The following PRKCH variants were observed in gnomAD, a reference collection of about 807,000 sequenced individuals.
The protein encoded by PRKCH is protein kinase C eta.
A neutral mutation model predicts 82.5 loss-of-function variants in PRKCH; 28 were observed. The observed-to-expected ratio is 0.34, with a 90% CI of 0.25 to 0.47. PRKCH has a LOEUF of 0.47. Among genes scored for constraint, PRKCH ranks in the 20% least tolerant of loss-of-function variants. The pLI is 1.00. For synonymous variants in PRKCH, 322 were observed against 327.4 expected (o/e 0.98, Z 0.18); for missense variants, 705 against 881.8 (o/e 0.80, Z 2.54).
chr14:61,250,918 T>C (rs2044940277), intron 1 of PRKCH, among the ~76,000 whole-genome samples: 1 of 152,124 alleles, frequency 6.6e-6, no homozygotes, highest in African/African-American at 2.4e-5. Flanking sequence ...AAAAAAGGTC[T>C]AGCATATTTT....
intron 1 of PRKCH, among the ~76,000 whole-genome samples, chr14:61,271,463 G>A (rs1227089187): frequency 6.6e-6 from 1 of 152,142 alleles, no homozygotes; most frequent in Admixed American, 6.6e-5. Context: ...TTCCTTCACA[G>A]ATTTAGTCTT....
intron 1 of PRKCH, among the ~76,000 whole-genome samples, chr14:61,334,528 C>T (rs954142793): frequency 3.9e-5 from 6 of 151,946 alleles, no homozygotes; most frequent in African/African-American, 9.7e-5. Context: ...AGCACACAGC[C>T]CTGTGAAGAT....
Position 61,321,823 on chromosome 14 carries a change from G to C in PRKCH, c.-279G>C, listed in dbSNP as rs1241612416. 7 of 345,214 alleles carry C rather than the reference G, an allele frequency of 2.0e-5. No homozygotes were observed. Among genetic ancestry groups the C allele is most frequent in the Non-Finnish European group, 3.8e-5 (7 of 185,406 alleles). The allele number at this position is 345,214 out of a possible 1,614,324, so 21.4% of individuals were successfully genotyped here. On this transcript the variant is annotated 5_prime_UTR_variant, in exon 1 of 14. Transcript: ENST00000332981. This position sits in a 1 kb window ranked among gnomAD's most constrained non-coding sequence, Gnocchi z 4.1. ...GGGGCGAGTCCTGCGCGAGTCCCCG[G>C]GAGGCGCCGCGCGCTTGGAAGGGAC... is the stretch of plus-strand genomic sequence containing the variant.
Position 61,281,204 on chromosome 14 carries a change from C to T in PRKCH, c.-19+93536C>T, listed in dbSNP as rs913134538. On this transcript the variant is annotated intron_variant, in intron 1 of 3. Coordinates refer to the PRKCH transcript ENST00000555185. The stretch of plus-strand genomic sequence containing the variant: ...ACCGAGTGGGGGCCCCGCCGCGGGG[C>T]GCCTCCCTCTCCGCGCCGCGCAAGC... The T allele has an allele frequency of 1.4e-5, 16 of 1,114,518 alleles. No individual in the cohort carries two copies. In the African/African-American group the frequency reaches 2.0e-4, roughly 14 times the overall value. 69.0% of individuals were successfully genotyped at this position (1,114,518 alleles called of 1,614,324 possible).
chr14:61,319,884 CTT>C (rs1219100287), upstream of PRKCH, among the ~76,000 whole-genome samples: 514 of 152,326 alleles, frequency 3.4e-3, 1 homozygote, highest in African/African-American at 0.011. Flanking sequence ...AAGACAGGCC[CTT>C]TCCCCCCTGG....
chr14:61,419,120 C>T (rs541598526), intron 2 of PRKCH, among the ~76,000 whole-genome samples: 18 of 152,230 alleles, frequency 1.2e-4, no homozygotes, highest in Admixed American at 2.6e-4. Flanking sequence ...AGAGTCTTAG[C>T]GCTTTAGGGC....
intron 1 of PRKCH, among the ~76,000 whole-genome samples, chr14:61,211,153 C>T (rs1160672397): frequency 6.6e-6 from 1 of 152,170 alleles, no homozygotes; most frequent in Non-Finnish European, 1.5e-5. Context: ...AGCTGGTGCC[C>T]TTTGCCAGGG....
At chr14:61,366,493 C>T (rs1484219694) in intron 1 of PRKCH, among the ~76,000 whole-genome samples, 2 of 152,034 alleles carry the variant, frequency 1.3e-5, no homozygotes, top group Admixed American at 6.5e-5. Flanking sequence ...TATTTTGTCA[C>T]GTATGGAAGT....
intron 10 of PRKCH, among the ~76,000 whole-genome samples, chr14:61,496,953 G>T (rs1161567774): frequency 1.3e-5 from 2 of 151,698 alleles, no homozygotes; most frequent in African/African-American, 2.4e-5. Context: ...TCTTATTCTG[G>T]CCCAAACCCA....
At chr14:61,524,369 A>G (rs2042941187) in intron 10 of PRKCH, among the ~76,000 whole-genome samples, 2 of 152,258 alleles carry the variant, frequency 1.3e-5, no homozygotes, top group Admixed American at 6.5e-5. Flanking sequence ...CTACCCTTCT[A>G]TGCTTGCATG....
At chr14:61,246,823 A>T (rs2044888375) in intron 1 of PRKCH, among the ~76,000 whole-genome samples, 1 of 152,180 alleles carries the variant, frequency 6.6e-6, no homozygotes, top group African/African-American at 2.4e-5. Flanking sequence ...CCTGGGCTCA[A>T]GCAATCCTCC....
chr14:61,362,362 A>C (rs2046238169), intron 1 of PRKCH, among the ~76,000 whole-genome samples: 1 of 151,148 alleles, frequency 6.6e-6, no homozygotes, highest in Non-Finnish European at 1.5e-5. Flanking sequence ...AAAAAAAAGG[A>C]AACAAGGGGC....
chr14:61,375,549 C>T (rs1566845201), intron 1 of PRKCH, among the ~76,000 whole-genome samples: 2 of 151,998 alleles, frequency 1.3e-5, no homozygotes, highest in Non-Finnish European at 2.9e-5. Flanking sequence ...GGCTGTACAA[C>T]AGCATGGCTA....
intron 1 of PRKCH, among the ~76,000 whole-genome samples, chr14:61,383,512 G>A (rs372302056): frequency 3.3e-5 from 5 of 152,012 alleles, no homozygotes; most frequent in East Asian, 3.9e-4. Flanking sequence ...TTTTGAGACC[G>A]GAGGGATCAA....
intron 2 of PRKCH, among the ~76,000 whole-genome samples, chr14:61,428,042 T>G (rs8014589): frequency 0.59 from 71,430 of 121,804 alleles, 22,418 homozygotes; most frequent in South Asian, 0.69. Context: ...AATATATATA[T>G]ATAGATAGAT....
At chr14:61,350,086 A>G (rs1002198015) in intron 1 of PRKCH, among the ~76,000 whole-genome samples, 18 of 152,164 alleles carry the variant, frequency 1.2e-4, no homozygotes, top group Admixed American at 1.2e-3. Context: ...GTGCTACAGG[A>G]ATGTGGAGCT....
chr14:61,342,200 C>A (rs760591941), intron 1 of PRKCH, among the ~76,000 whole-genome samples: 1 of 151,624 alleles, frequency 6.6e-6, no homozygotes, highest in East Asian at 1.9e-4. Flanking sequence ...GGGAAGGGAG[C>A]GCCCTTTTAA....
At chr14:61,204,056 T>C (rs2044504119) in intron 1 of PRKCH, among the ~76,000 whole-genome samples, 1 of 151,314 alleles carries the variant, frequency 6.6e-6, no homozygotes, top group Admixed American at 6.5e-5. Flanking sequence ...ATGAGTAAAT[T>C]ATAATGTATT....
intron 1 of PRKCH, among the ~76,000 whole-genome samples, chr14:61,334,133 G>T (rs2045823491): frequency 1.3e-5 from 2 of 152,104 alleles, no homozygotes; most frequent in South Asian, 4.1e-4. Context: ...ATTCTTTCCC[G>T]ACTCCACCTC....
Sources: gnomAD v4.1 joint callset for allele counts (sites outside exome capture counted in the v4.1 genomes callset) on GRCh38, gnomAD v4.1.1 for gene constraint, Gnocchi (gnomAD v3.1) non-coding constraint, MANE v1.5 for transcripts, NCBI Gene and HGNC (gene_info 2026-07-23, HGNC 2026-07-21) for gene names.